The following NUP35 variants were observed in gnomAD, a reference collection of about 807,000 sequenced individuals.
NUP35 encodes the protein nucleoporin NUP35.
A neutral mutation model predicts 41.5 loss-of-function variants in NUP35; 25 were observed. That is an observed-to-expected ratio of 0.60 (90% confidence interval 0.44 to 0.84). The LOEUF (loss-of-function observed/expected upper bound fraction) is 0.84, where lower values mean the gene tolerates loss of function less well. NUP35 is among the 40% of genes least tolerant of loss of function. The pLI, the probability that NUP35 is intolerant of heterozygous loss-of-function variation, is 0.00. For missense variants in NUP35, 396 were observed against 396.6 expected (o/e 1.00, Z 0.01); for synonymous variants, 149 against 130.7 (o/e 1.14, Z -0.96).
At chr2:183,123,882 T>C (rs1484468742), upstream of NUP35, 4 of 895,974 alleles carry the variant, frequency 4.5e-6, no homozygotes, top group Non-Finnish European at 4.0e-6. Context: ...TCGTTAGCTA[T>C]ATTTTTGTAT....
upstream of NUP35, among the ~76,000 whole-genome samples, chr2:183,122,573 T>C (rs188489258): frequency 4.9e-4 from 75 of 152,330 alleles, no homozygotes; most frequent in African/African-American, 1.8e-3. Flanking sequence ...ATCAAATCCA[T>C]CTAATTCATT....
At position 183,128,422 on chromosome 2, in the gene NUP35, T is replaced by C; in HGVS notation, c.176T>C (p.Val59Ala). The C allele has an allele frequency of 6.2e-7, 1 of 1,613,788 alleles. No homozygotes were observed. The highest frequency in any genetic ancestry group is 8.5e-7 in the Non-Finnish European group (1 of 1,179,884). The change falls in exon 2 of 9, where the codon GTA becomes GCA. Residue 59 changes from valine (V) to alanine (A), a missense_variant. By Grantham distance (64) the Val-to-Ala change is moderately conservative (BLOSUM62 0). Coordinates refer to ENST00000295119, the MANE Select transcript of NUP35 (RefSeq NM_138285.5). ...CCTCGATCAATTAGTGGCCCTTCAG[T>C]AGGAGTAATGGAAATGAGATCACCT... ...PQPRSISGPS[V>A]GVMEMRSPLL...
chr2:183,139,133 T>C (rs768488612), intron 4 of NUP35, among the ~76,000 whole-genome samples: 3 of 152,058 alleles, frequency 2.0e-5, no homozygotes, highest in Non-Finnish European at 2.9e-5. Context: ...AAAATTAAAA[T>C]GTATGCTTTT....
chr2:183,139,856 G>T (rs890822672), intron 4 of NUP35, among the ~76,000 whole-genome samples: 5 of 152,140 alleles, frequency 3.3e-5, no homozygotes, highest in African/African-American at 1.2e-4. Flanking sequence ...ATTTGTGAGA[G>T]AATAAATTTC....
In NUP35 at chr2:183,130,406, T is replaced by C; in HGVS notation, c.212-12T>C. ...GAATCCCTTTTTTTTTTTTTTTTTT[T>C]GTACACTGTAGGTGGGTCACCACCA... On this transcript the variant is annotated splice_polypyrimidine_tract_variant and intron_variant, in intron 2 of 8. Transcript: ENST00000295119. 1 of 1,199,596 alleles carries C rather than the reference T, an allele frequency of 8.3e-7. No individual in the cohort carries two copies. Among genetic ancestry groups the C allele is most frequent in the Non-Finnish European group, 1.1e-6 (1 of 925,974 alleles). The allele number at this position is 1,199,596 out of a possible 1,614,324, so 74.3% of individuals were successfully genotyped here.
intron 4 of NUP35, among the ~76,000 whole-genome samples, chr2:183,149,673 C>A (rs1685396305): frequency 6.6e-6 from 1 of 152,182 alleles, no homozygotes; most frequent in South Asian, 2.1e-4. Context: ...CCAGACCACA[C>A]TTGTAGTACT....
intron 7 of NUP35, among the ~76,000 whole-genome samples, 156 bp downstream of exon 7, chr2:183,158,567 G>A (rs13410455): frequency 0.29 from 44,439 of 151,908 alleles, 6,932 homozygotes; most frequent in Middle Eastern, 0.38. Context: ...GTGGTAAGCC[G>A]AAGGTATTTA....
chr2:183,147,188 AG>A (rs1267997534), intron 4 of NUP35, among the ~76,000 whole-genome samples: 4 of 152,086 alleles, frequency 2.6e-5, no homozygotes, highest in African/African-American at 9.7e-5. Flanking sequence ...TTTTGTGTGC[AG>A]GAAGTCATTA....
upstream of NUP35, among the ~76,000 whole-genome samples, chr2:183,120,337 T>C (rs1225152354): frequency 7.3e-5 from 11 of 151,312 alleles, no homozygotes; most frequent in African/African-American, 2.7e-4. Flanking sequence ...TCCCAGCTAC[T>C]CGGGAGCCTG....
intron 4 of NUP35, among the ~76,000 whole-genome samples, chr2:183,144,291 G>A (rs1268516187): frequency 6.6e-6 from 1 of 152,136 alleles, no homozygotes; most frequent in Admixed American, 6.6e-5. Flanking sequence ...TATGTCCACA[G>A]TTTTTATTGG....
chr2:183,132,165 G>A (rs1056687103), intron 3 of NUP35, among the ~76,000 whole-genome samples: 3 of 152,088 alleles, frequency 2.0e-5, no homozygotes, highest in African/African-American at 7.2e-5. Context: ...AGGGACTACA[G>A]ATGTGGACCA....
At chr2:183,120,418 C>A (rs1007052722), upstream of NUP35, among the ~76,000 whole-genome samples, 11 of 146,528 alleles carry the variant, frequency 7.5e-5, no homozygotes, top group African/African-American at 2.8e-4. Context: ...TGTACTCCAG[C>A]CTGGATGACA....
intron 8 of NUP35, 37 bp from the exon 9 acceptor site, chr2:183,161,014 CAAT>C (rs1685854840): frequency 6.6e-7 from 1 of 1,521,924 alleles, no homozygotes; most frequent in African/African-American, 1.4e-5. Context: ...ACTGAAGTAA[CAAT>C]AACCTAACCG....
intron 7 of NUP35, 124 bp from the exon 8 acceptor site, chr2:183,159,364 A>G: frequency 5.2e-6 from 4 of 769,578 alleles, no homozygotes; most frequent in East Asian, 5.8e-5. Context: ...ATTATTTGCA[A>G]GTTTAATTAG....
chr2:183,123,672 TAAACA>T (rs1478390488), upstream of NUP35: 2 of 476,368 alleles, frequency 4.2e-6, no homozygotes, highest in Non-Finnish European at 5.5e-6. Context: ...TGAGCAAAAC[TAAACA>T]ATATATTTTT....
intron 4 of NUP35, among the ~76,000 whole-genome samples, chr2:183,135,451 G>C (rs1684842541): frequency 6.6e-6 from 1 of 152,176 alleles, no homozygotes; most frequent in African/African-American, 2.4e-5. Context: ...AATGGGGGCA[G>C]ATGTATTACA....
chr2:183,161,259 C>A lies in NUP35; in HGVS notation c.*128C>A. ...TCTCATACTTCTTTTAGAAAGAAGC[C>A]TTTTTCATTAAGGATACAACCTATT... is the stretch of plus-strand genomic sequence containing the variant. On this transcript the variant is annotated 3_prime_UTR_variant, in exon 9 of 9. Coordinates refer to ENST00000295119, the MANE Select transcript of NUP35 (RefSeq NM_138285.5). The A allele has an allele frequency of 3.5e-6, 2 of 577,134 alleles. No homozygotes were observed. The highest frequency in any genetic ancestry group is 2.9e-5 in the South Asian group (1 of 34,186). The allele number at this position is 577,134 out of a possible 1,614,324, so 35.8% of individuals were successfully genotyped here.
At chr2:183,139,564 G>A (rs1305422551) in intron 4 of NUP35, among the ~76,000 whole-genome samples, 1 of 152,160 alleles carries the variant, frequency 6.6e-6, no homozygotes, top group African/African-American at 2.4e-5. Flanking sequence ...GGAGGGAAGG[G>A]GACAGAATCC....
intron 4 of NUP35, among the ~76,000 whole-genome samples, chr2:183,145,148 A>G (rs540302281): frequency 3.3e-5 from 5 of 152,354 alleles, no homozygotes; most frequent in African/African-American, 1.2e-4. Context: ...TTGTATAAAT[A>G]TATGCTTCCA....
Sources: gnomAD v4.1 joint callset for allele counts (sites outside exome capture counted in the v4.1 genomes callset) on GRCh38, gnomAD v4.1.1 for gene constraint, MANE v1.5 for transcripts, NCBI Gene and HGNC (gene_info 2026-07-23, HGNC 2026-07-21) for gene names.